The following TBC1D15 variants were observed in gnomAD, a reference collection of about 807,000 sequenced individuals.
TBC1D15 encodes TBC1 domain family member 15.
Under a neutral mutation model 95.4 loss-of-function variants are expected in TBC1D15, and 39 were observed. The ratio of observed to expected loss-of-function variants is 0.41; its 90% CI spans 0.32 to 0.53. The LOEUF (loss-of-function observed/expected upper bound fraction) is 0.53, where lower values mean the gene tolerates loss of function less well. TBC1D15 is among the 20% of genes least tolerant of loss of function. The probability of loss-of-function intolerance (pLI) is 0.29; values close to 1 mark genes in which losing one functional copy is unlikely to be tolerated. For synonymous variants in TBC1D15, 258 were observed against 261.3 expected, an observed-to-expected ratio of 0.99 and a Z score of 0.12; for missense variants, 733 against 794.3, an observed-to-expected ratio of 0.92 and a Z score of 0.93.
intron 1 of TBC1D15, among the ~76,000 whole-genome samples, chr12:71,852,318 C>A (rs947678737): frequency 6.6e-6 from 1 of 152,200 alleles, no homozygotes; most frequent in African/African-American, 2.4e-5. Context: ...AACCATTTTT[C>A]CCTCCTATGC....
chr12:71,889,895 TG>T (rs1277682881), intron 5 of TBC1D15, among the ~76,000 whole-genome samples: 1 of 152,194 alleles, frequency 6.6e-6, no homozygotes, highest in African/African-American at 2.4e-5. Flanking sequence ...ATGTAGTATT[TG>T]ACTTTCTGTT....
intron 10 of TBC1D15, among the ~76,000 whole-genome samples, chr12:71,905,863 T>C (rs1308621623): frequency 1.3e-5 from 2 of 152,066 alleles, no homozygotes; most frequent in East Asian, 3.9e-4. Flanking sequence ...TGTATCTCCT[T>C]ATCTTTTTTT....
chr12:71,923,982 A>G lies in TBC1D15; in HGVS notation c.*778A>G, dbSNP rs1870339889. 1 of 152,582 alleles carries G rather than the reference A, an allele frequency of 6.6e-6. No homozygotes were observed. The highest frequency in any genetic ancestry group is 2.4e-5 in the African/African-American group (1 of 41,460). 9.5% of individuals were successfully genotyped at this position (152,582 alleles called of 1,614,324 possible). A position where few individuals can be genotyped will look rare whatever the true frequency, so the allele number is the denominator to read the frequency against. On this transcript the variant is annotated 3_prime_UTR_variant, in exon 17 of 17. Transcript: ENST00000485960. ...TTTTCTTAAACATTTATTTCATGAG[A>G]TTATGTTCAACCCTGTACCTGGTGT...
At chr12:71,909,522 G>A (rs899092979) in intron 11 of TBC1D15, among the ~76,000 whole-genome samples, 2 of 152,176 alleles carry the variant, frequency 1.3e-5, no homozygotes, top group Non-Finnish European at 2.9e-5. Flanking sequence ...GTATGTAATG[G>A]TGATACTGAA....
In TBC1D15 at chr12:71,896,867, G is replaced by C. The variant is rs1898294228; in HGVS notation, c.1088+87G>C. ...GTATAGGGTTTCTAGATGAGGATTT[G>C]GAATAGACTGGGGAATGGAAAAACA... On this transcript the variant is annotated intron_variant, in intron 9 of 16. Transcript: ENST00000485960. The C allele has an allele frequency of 6.6e-6, 6 of 903,102 alleles. No individual in the cohort carries two copies. In the South Asian group the frequency reaches 1.2e-4, roughly 18 times the overall value. The allele number at this position is 903,102 out of a possible 1,614,324, so 55.9% of individuals were successfully genotyped here.
intron 14 of TBC1D15, among the ~76,000 whole-genome samples, chr12:71,918,927 A>G (rs888756490): frequency 1.3e-5 from 2 of 151,184 alleles, no homozygotes; most frequent in Non-Finnish European, 3.0e-5. Flanking sequence ...ACCCAAGGCA[A>G]CTCTTTATTT....
At chr12:71,885,380 A>T (rs1427961737) in intron 5 of TBC1D15, among the ~76,000 whole-genome samples, 4 of 152,128 alleles carry the variant, frequency 2.6e-5, no homozygotes, top group African/African-American at 9.7e-5. Context: ...GTGATGTTGC[A>T]GCTTTAAGTC....
intron 1 of TBC1D15, chr12:71,850,305 A>G (rs577089433): frequency 4.7e-5 from 21 of 450,218 alleles, no homozygotes; most frequent in African/African-American, 2.5e-4. Flanking sequence ...TATACTGGCT[A>G]GAGTGGTTTG....
At chr12:71,868,389 G>A (rs1278584987) in intron 1 of TBC1D15, among the ~76,000 whole-genome samples, 1 of 152,046 alleles carries the variant, frequency 6.6e-6, no homozygotes, top group Non-Finnish European at 1.5e-5. Flanking sequence ...GGGACTACAG[G>A]CACCCGCCAC....
chr12:71,855,935 GT>G (rs71889449), intron 1 of TBC1D15, among the ~76,000 whole-genome samples: 14,673 of 148,888 alleles, frequency 0.099, 799 homozygotes, highest in South Asian at 0.15. Flanking sequence ...ATTGTATGTG[GT>G]TTTTTTTGGG....
intron 1 of TBC1D15, among the ~76,000 whole-genome samples, chr12:71,858,348 A>G (rs1889587636): frequency 6.6e-6 from 1 of 152,144 alleles, no homozygotes; most frequent in African/African-American, 2.4e-5. Flanking sequence ...GTGGGATTAC[A>G]GGTGTGAGCC....
intron 3 of TBC1D15, among the ~76,000 whole-genome samples, chr12:71,878,892 A>G (rs61924145): frequency 0.092 from 13,970 of 151,986 alleles, 712 homozygotes; most frequent in South Asian, 0.15. Flanking sequence ...AGAAAAAACA[A>G]TCTATTTGAT....
intron 1 of TBC1D15, among the ~76,000 whole-genome samples, chr12:71,858,620 C>G (rs959010190): frequency 7.3e-6 from 1 of 137,148 alleles, no homozygotes; most frequent in Non-Finnish European, 1.5e-5. Flanking sequence ...GTAATGCAAT[C>G]TTGCCTCACT....
Position 71,920,626 on chromosome 12 carries a change from A to G in TBC1D15, c.1600-105A>G, listed in dbSNP as rs7966383. On this transcript the variant is annotated intron_variant, in intron 14 of 16. Transcript: ENST00000485960. ...AAACCTTGGGCTACCCTAAACAGGCAACATCTACTTTGCATAGAAGTCATT... is the reference window on the plus strand; with the variant it reads ...AAACCTTGGGCTACCCTAAACAGGCGACATCTACTTTGCATAGAAGTCATT... 6,576 of 875,956 alleles carry G rather than the reference A, an allele frequency of 7.5e-3. 294 individuals are homozygous for G. The African/African-American group carries it at 0.094, about 13-fold the overall frequency. The allele number at this position is 875,956 out of a possible 1,614,324, so 54.3% of individuals were successfully genotyped here. A position where few individuals can be genotyped will look rare whatever the true frequency, so the allele number is the denominator to read the frequency against.
chr12:71,861,106 T>A (rs756846614), intron 1 of TBC1D15, among the ~76,000 whole-genome samples: 1 of 152,076 alleles, frequency 6.6e-6, no homozygotes, highest in South Asian at 2.1e-4. Flanking sequence ...ATTCCACTTA[T>A]TAGTATTTTG....
At chr12:71,902,148 A>AT (rs1899531713) in intron 10 of TBC1D15, among the ~76,000 whole-genome samples, 1 of 152,222 alleles carries the variant, frequency 6.6e-6, no homozygotes, top group Non-Finnish European at 1.5e-5. Context: ...ATTGTTTAAA[A>AT]TGGCCGTACT....
chr12:71,880,668 A>G (rs543647033), intron 4 of TBC1D15, 61 bp downstream of exon 4: 1 of 1,490,500 alleles, frequency 6.7e-7, no homozygotes. Flanking sequence ...ATAAACAAAA[A>G]TGCAAAGAAG....
At chr12:71,920,547 A>G (rs1230659844) in intron 14 of TBC1D15, among the ~76,000 whole-genome samples, 184 bp from the exon 15 acceptor site, 1 of 152,170 alleles carries the variant, frequency 6.6e-6, no homozygotes, top group East Asian at 1.9e-4. Flanking sequence ...ACTCGATGAT[A>G]GTTACTTTGT....
intron 1 of TBC1D15, chr12:71,841,189 T>C (rs1884914686): frequency 6.6e-6 from 1 of 152,184 alleles, no homozygotes; most frequent in Admixed American, 6.5e-5. Context: ...GCTGGGACTT[T>C]TCAAGAGGGG....
Sources: allele counts gnomAD v4.1 joint callset (sites outside exome capture counted in the v4.1 genomes callset), GRCh38; gene constraint gnomAD v4.1.1; transcripts MANE v1.5; gene names NCBI Gene and HGNC (gene_info 2026-07-23, HGNC 2026-07-21).